Variants in SKAP1 observed in about 807,000 individuals in gnomAD.
SKAP1 encodes src kinase-associated phosphoprotein 1.
Under a neutral mutation model 58.5 loss-of-function variants are expected in SKAP1, and 44 were observed. The ratio of observed to expected loss-of-function variants is 0.75; its 90% CI spans 0.59 to 0.97. The LOEUF is 0.97. Ranked by LOEUF, SKAP1 falls within the 50% of genes least tolerant of loss-of-function variation. SKAP1 has a pLI of 0.00. For missense variants in SKAP1, 390 were observed against 435.2 expected, an observed-to-expected ratio of 0.90 and a Z score of 0.92; for synonymous variants, 127 against 149.7, an observed-to-expected ratio of 0.85 and a Z score of 1.11.
chr17:48,322,331 T>A (rs2066377740), intron 4 of SKAP1, among the ~76,000 whole-genome samples: 1 of 152,240 alleles, frequency 6.6e-6, no homozygotes, highest in African/African-American at 2.4e-5. Context: ...TGCTGAATTG[T>A]ATTCTGCATA....
At chr17:48,395,744 T>C (rs1456415979) in intron 2 of SKAP1, among the ~76,000 whole-genome samples, 1 of 152,206 alleles carries the variant, frequency 6.6e-6, no homozygotes, top group Non-Finnish European at 1.5e-5. Context: ...GATGCTTAAT[T>C]AGCCAGCAGG....
At chr17:48,292,170 A>C (rs2065907279) in intron 4 of SKAP1, among the ~76,000 whole-genome samples, 1 of 151,640 alleles carries the variant, frequency 6.6e-6, no homozygotes, top group African/African-American at 2.4e-5. Flanking sequence ...AAAAGAAAAA[A>C]GAAAACTTCC....
At chr17:48,154,524 T>C (rs938758379) in intron 11 of SKAP1, among the ~76,000 whole-genome samples, 1 of 152,202 alleles carries the variant, frequency 6.6e-6, no homozygotes, top group Admixed American at 6.5e-5. Flanking sequence ...AATAAGGCAC[T>C]GGACAATTCC....
At chr17:48,299,668 G>C (rs2066032918) in intron 4 of SKAP1, among the ~76,000 whole-genome samples, 1 of 152,188 alleles carries the variant, frequency 6.6e-6, no homozygotes, top group Non-Finnish European at 1.5e-5. Context: ...TGTGCTGACA[G>C]CCCACAATCC....
intron 1 of SKAP1, among the ~76,000 whole-genome samples, chr17:48,427,118 A>C (rs2067862698): frequency 6.6e-6 from 1 of 152,230 alleles, no homozygotes; most frequent in Non-Finnish European, 1.5e-5. Context: ...GTCTTCTCTC[A>C]AGGAAGCCAA....
intron 4 of SKAP1, among the ~76,000 whole-genome samples, chr17:48,258,049 A>G (rs989537658): frequency 2.6e-5 from 4 of 152,082 alleles, no homozygotes; most frequent in Non-Finnish European, 5.9e-5. Context: ...AAAAGCTCGC[A>G]TCATGACACA....
At chr17:48,182,118 T>C (rs779195210) in intron 8 of SKAP1, among the ~76,000 whole-genome samples, 1 of 152,172 alleles carries the variant, frequency 6.6e-6, no homozygotes. Context: ...AGCTGATTTT[T>C]AGAATCTCCT....
At chr17:48,156,473 C>G (rs773079400) in intron 11 of SKAP1, 11 of 529,262 alleles carry the variant, frequency 2.1e-5, no homozygotes, top group Non-Finnish European at 4.3e-5. Context: ...CGCTAAACAC[C>G]CTGCTGTGGC....
chr17:48,368,961 A>G (rs2067046896), intron 2 of SKAP1, among the ~76,000 whole-genome samples: 1 of 152,140 alleles, frequency 6.6e-6, no homozygotes, highest in African/African-American at 2.4e-5. Flanking sequence ...CCTGACCAAC[A>G]TGGTGAAACC....
chr17:48,181,406 T>C (rs2064367459), intron 8 of SKAP1, among the ~76,000 whole-genome samples: 1 of 152,208 alleles, frequency 6.6e-6, no homozygotes, highest in African/African-American at 2.4e-5. Flanking sequence ...GATGAGAGTG[T>C]ACCCTGTAGT....
chr17:48,235,632 G>C (rs1308832387), intron 4 of SKAP1, among the ~76,000 whole-genome samples: 1 of 152,166 alleles, frequency 6.6e-6, no homozygotes, highest in Non-Finnish European at 1.5e-5. Flanking sequence ...AAGCATGAGA[G>C]AGGTTTAATG....
At chr17:48,387,121 AC>A (rs2067287672) in intron 2 of SKAP1, among the ~76,000 whole-genome samples, 1 of 152,210 alleles carries the variant, frequency 6.6e-6, no homozygotes, top group Non-Finnish European at 1.5e-5. Context: ...TCCCAAATGG[AC>A]TTAACATTTT....
rs192417308 is a variant in SKAP1, at chr17:48,388,665, A to G, written c.152+8015T>C. On this transcript the variant is annotated intron_variant, in intron 2 of 12. Transcript: ENST00000336915. ...TCCATCCCCAAACAATTCAGCATGC[A>G]TATAATTAACTAGACTTCAATATTT... Among the ~76,000 whole-genome samples, 352 of 152,328 alleles carry G rather than the reference A, an allele frequency of 2.3e-3. 1 individual carries two copies. Among genetic ancestry groups the G allele is most frequent in the Non-Finnish European group, 3.1e-3 (212 of 68,030 alleles).
intron 4 of SKAP1, among the ~76,000 whole-genome samples, chr17:48,325,297 C>CTTCAGAGAG (rs1206849451): frequency 7.1e-6 from 1 of 141,802 alleles, no homozygotes; most frequent in African/African-American, 2.6e-5. Flanking sequence ...AATATCTTTT[C>CTTCAGAGAG]TTCAGAGAGG....
intron 4 of SKAP1, among the ~76,000 whole-genome samples, chr17:48,315,351 G>A (rs766319578): frequency 2.6e-5 from 4 of 152,092 alleles, no homozygotes; most frequent in Admixed American, 6.5e-5. Context: ...ATGCAAATAT[G>A]CATGTGTGCT....
chr17:48,250,272 GTT>G (rs755523173), intron 4 of SKAP1, among the ~76,000 whole-genome samples: 4,651 of 73,190 alleles, frequency 0.064, 289 homozygotes, highest in African/African-American at 0.1. Flanking sequence ...GCCATAGACA[GTT>G]TTTTTTTTTT....
At chr17:48,371,148 G>T (rs2067079716) in intron 2 of SKAP1, among the ~76,000 whole-genome samples, 1 of 152,140 alleles carries the variant, frequency 6.6e-6, no homozygotes, top group Non-Finnish European at 1.5e-5. Context: ...AAGAGAAAGA[G>T]GGGTAGGAGT....
At chr17:48,223,063 CAAAA>C (rs71141973) in intron 4 of SKAP1, among the ~76,000 whole-genome samples, 2 of 70,098 alleles carry the variant, frequency 2.9e-5, no homozygotes, top group Non-Finnish European at 5.1e-5. Context: ...GACTCCGTCT[CAAAA>C]AAAAAAAAAA....
At chr17:48,297,417 C>T (rs972511678) in intron 4 of SKAP1, among the ~76,000 whole-genome samples, 7 of 152,052 alleles carry the variant, frequency 4.6e-5, no homozygotes, top group African/African-American at 9.7e-5. Context: ...TATAAATGAC[C>T]TTATAACCTT....
Sources: gnomAD v4.1 joint callset for allele counts (sites outside exome capture counted in the v4.1 genomes callset) on GRCh38, gnomAD v4.1.1 for gene constraint, MANE v1.5 for transcripts, NCBI Gene and HGNC (gene_info 2026-07-23, HGNC 2026-07-21) for gene names.